The following ABI2 variants were observed in gnomAD, a reference collection of about 807,000 sequenced individuals.
ABI2 encodes abl interactor 2, also known as abelson interactor 2.
ABI2 carries 25 observed loss-of-function variants against 59.2 expected under a neutral mutation model. That is an observed-to-expected ratio of 0.42 (90% confidence interval 0.31 to 0.59). The LOEUF (loss-of-function observed/expected upper bound fraction) is 0.59, where lower values mean the gene tolerates loss of function less well. Ranked by LOEUF, ABI2 falls within the 20% of genes least tolerant of loss-of-function variation. ABI2 has a pLI of 0.14. For missense variants in ABI2, 545 were observed against 681.8 expected (o/e 0.80, Z 2.23); for synonymous variants, 213 against 235.5 (o/e 0.90, Z 0.87).
chr2:203,427,374 C>T lies in ABI2; in HGVS notation c.*22C>T, dbSNP rs747187945. ...GTAAAGCTCAGCAGGGCTGTGCTTG[C>T]CTCACAGGAATAGTCAGGTCTTCCC... is the stretch of plus-strand genomic sequence containing the variant. On this transcript the variant is annotated 3_prime_UTR_variant, in exon 12 of 12. Coordinates refer to ENST00000261018, the MANE Select transcript of ABI2 (RefSeq NM_001375670.1). 17 of 1,599,356 alleles carry T rather than the reference C, an allele frequency of 1.1e-5. No individual in the cohort carries two copies. Among genetic ancestry groups the T allele is most frequent in the Non-Finnish European group, 1.5e-5 (17 of 1,170,006 alleles).
At chr2:203,411,200 A>G (rs1391203420) in intron 9 of ABI2, 85 bp from the exon 10 acceptor site, 1 of 1,036,198 alleles carries the variant, frequency 9.7e-7, no homozygotes, top group African/African-American at 1.6e-5. Flanking sequence ...TCCCTCCTTT[A>G]TGTGTTTATT....
chr2:203,401,728 A>AT (rs2097228722), intron 8 of ABI2, among the ~76,000 whole-genome samples: 1 of 152,056 alleles, frequency 6.6e-6, no homozygotes. Context: ...TTCGTGGTAG[A>AT]TTTTTTTGAT....
intron 9 of ABI2, among the ~76,000 whole-genome samples, chr2:203,405,885 G>A (rs978575673): frequency 2.0e-5 from 3 of 152,126 alleles, no homozygotes; most frequent in Admixed American, 6.5e-5. Context: ...TTGAAAAAGG[G>A]CAATTATAAC....
chr2:203,376,975 A>G (rs375034340), intron 2 of ABI2, among the ~76,000 whole-genome samples: 2 of 152,226 alleles, frequency 1.3e-5, no homozygotes, highest in Admixed American at 6.5e-5. Context: ...AGTGTAAATA[A>G]TAAGTGGAAG....
intron 9 of ABI2, 151 bp downstream of exon 9, chr2:203,402,885 A>G (rs886635908): frequency 1.1e-5 from 6 of 536,448 alleles, no homozygotes; most frequent in Non-Finnish European, 1.5e-5. Context: ...GGTTGTTAAT[A>G]CTGTATCTTT....
intron 1 of ABI2, among the ~76,000 whole-genome samples, chr2:203,348,509 C>T (rs974921726): frequency 2.0e-5 from 3 of 151,926 alleles, no homozygotes; most frequent in Non-Finnish European, 2.9e-5. Flanking sequence ...TGTTATATGT[C>T]GACAAGATAA....
At chr2:203,357,450 A>C (rs905604327) in intron 1 of ABI2, among the ~76,000 whole-genome samples, 1 of 152,244 alleles carries the variant, frequency 6.6e-6, no homozygotes, top group African/African-American at 2.4e-5. Flanking sequence ...GCAAATACCT[A>C]GGTGACTTTA....
chr2:203,363,078 G>A, intron 1 of ABI2, among the ~76,000 whole-genome samples: 1 of 152,140 alleles, frequency 6.6e-6, no homozygotes, highest in Non-Finnish European at 1.5e-5. Flanking sequence ...TGATCCGCCT[G>A]CCTCGGCCTT....
intron 11 of ABI2, among the ~76,000 whole-genome samples, chr2:203,420,457 G>C (rs1047302386): frequency 2.0e-5 from 3 of 150,008 alleles, no homozygotes; most frequent in Non-Finnish European, 1.5e-5. Flanking sequence ...GCAGTGGCAC[G>C]GTCTTGGCTC....
chr2:203,425,009 G>A (rs1399637727), intron 11 of ABI2, among the ~76,000 whole-genome samples: 1 of 149,880 alleles, frequency 6.7e-6, no homozygotes, highest in Non-Finnish European at 1.5e-5. Context: ...ACAGGCACGC[G>A]CTACCATGCC....
At chr2:203,347,408 T>G (rs2084356642) in intron 1 of ABI2, among the ~76,000 whole-genome samples, 1 of 152,196 alleles carries the variant, frequency 6.6e-6, no homozygotes, top group Non-Finnish European at 1.5e-5. Flanking sequence ...ATTCTTGTTC[T>G]GAAGATACTT....
chr2:203,369,795 AATT>A (rs1378799807), intron 2 of ABI2, among the ~76,000 whole-genome samples: 4 of 152,190 alleles, frequency 2.6e-5, no homozygotes, highest in South Asian at 2.1e-4. Context: ...ACAGAATATA[AATT>A]ATTATGTTGG....
At chr2:203,376,114 C>T in intron 2 of ABI2, 1 of 1,533,496 alleles carries the variant, frequency 6.5e-7, no homozygotes, top group Non-Finnish European at 8.7e-7. Context: ...GAAACAATTG[C>T]AGTTTGAGAT....
Position 203,427,495 on chromosome 2 carries a change from G to C in ABI2, c.*143G>C. On this transcript the variant is annotated 3_prime_UTR_variant, in exon 12 of 12. Coordinates refer to ENST00000261018, the MANE Select transcript of ABI2 (RefSeq NM_001375670.1). ...ACTTTTTTTTTTGGTTTATTCCCCA[G>C]TATTAAAAACAAAGCAAGCTGAGTC... 1 of 722,308 alleles carries C rather than the reference G, an allele frequency of 1.4e-6. No individual in the cohort carries two copies. The allele number at this position is 722,308 out of a possible 1,614,324, so 44.7% of individuals were successfully genotyped here.
At chr2:203,394,585 T>TA in intron 5 of ABI2, 115 bp from the exon 6 acceptor site, 1 of 1,067,154 alleles carries the variant, frequency 9.4e-7, no homozygotes, top group Non-Finnish European at 1.4e-6. Context: ...TGGGTTATGT[T>TA]AAAACACATT....
intron 1 of ABI2, among the ~76,000 whole-genome samples, chr2:203,365,620 A>G (rs187504736): frequency 9.9e-6 from 1 of 101,346 alleles, no homozygotes; most frequent in Admixed American, 1.2e-4. Flanking sequence ...TGGGGCTGTT[A>G]TCTTTTTTTT....
intron 11 of ABI2, among the ~76,000 whole-genome samples, chr2:203,419,509 C>T (rs973075261): frequency 2.0e-5 from 3 of 151,882 alleles, no homozygotes; most frequent in Non-Finnish European, 4.4e-5. Context: ...GCTGGGACTA[C>T]AGGCGCCTGC....
At chr2:203,333,032 C>G (rs1015270435) in intron 1 of ABI2, among the ~76,000 whole-genome samples, 1 of 152,096 alleles carries the variant, frequency 6.6e-6, no homozygotes, top group Non-Finnish European at 1.5e-5. Context: ...CTTTCCTTTT[C>G]TTCTCTTAAT....
chr2:203,348,189 A>T (rs1366563670), intron 1 of ABI2, among the ~76,000 whole-genome samples: 1 of 152,208 alleles, frequency 6.6e-6, no homozygotes, highest in African/African-American at 2.4e-5. Context: ...TGCAGTGAGC[A>T]GAGATCGCGC....
Sources: allele counts gnomAD v4.1 joint callset (sites outside exome capture counted in the v4.1 genomes callset), GRCh38; gene constraint gnomAD v4.1.1; transcripts MANE v1.5; gene names NCBI Gene and HGNC (gene_info 2026-07-23, HGNC 2026-07-21).